MLIP: variants seen among roughly 807,000 people sequenced by gnomAD.
The protein encoded by MLIP is muscular LMNA interacting protein, also known as muscular LMNA-interacting protein.
Under a neutral mutation model 84.8 loss-of-function variants are expected in MLIP, and 79 were observed. The ratio of observed to expected loss-of-function variants is 0.93; its 90% CI spans 0.78 to 1.12. MLIP has a LOEUF of 1.12. Among genes scored for constraint, MLIP ranks in the 50% most tolerant of loss-of-function variants. The probability of loss-of-function intolerance (pLI) is 0.00; values close to 1 mark genes in which losing one functional copy is unlikely to be tolerated. For synonymous variants in MLIP, 504 were observed against 463.0 expected (o/e 1.09, Z -1.14); for missense variants, 1,257 against 1,160.6 (o/e 1.08, Z -1.21).
chr6:54,183,726 A>C (rs567147425), intron 9 of MLIP, among the ~76,000 whole-genome samples: 1 of 147,654 alleles, frequency 6.8e-6, no homozygotes, highest in African/African-American at 2.5e-5. Flanking sequence ...CTTTAGTGAG[A>C]TATTTAGACA....
chr6:54,115,268 C>T (rs902813141), intron 1 of MLIP, among the ~76,000 whole-genome samples: 4 of 152,080 alleles, frequency 2.6e-5, no homozygotes, highest in African/African-American at 9.7e-5. Flanking sequence ...CTGTAATGTA[C>T]TCAAACAGGA....
At chr6:54,112,230 C>A (rs1769526240) in intron 1 of MLIP, among the ~76,000 whole-genome samples, 2 of 152,158 alleles carry the variant, frequency 1.3e-5, no homozygotes, top group Non-Finnish European at 2.9e-5. Flanking sequence ...GCAATTCATT[C>A]TTAGGCTACA....
At chr6:54,185,387 C>G (rs570555810) in intron 9 of MLIP, among the ~76,000 whole-genome samples, 7 of 152,262 alleles carry the variant, frequency 4.6e-5, no homozygotes, top group African/African-American at 1.7e-4. Context: ...ATACGGAGTT[C>G]ATAATACTGG....
intron 13 of MLIP, among the ~76,000 whole-genome samples, chr6:54,258,315 T>C (rs995053219): frequency 2.0e-5 from 3 of 152,098 alleles, no homozygotes; most frequent in Non-Finnish European, 2.9e-5. Flanking sequence ...GGGCATACTA[T>C]CTACATTTCC....
intron 1 of MLIP, among the ~76,000 whole-genome samples, chr6:54,120,303 C>T (rs538073132): frequency 2.8e-4 from 43 of 151,998 alleles, no homozygotes; most frequent in African/African-American, 8.9e-4. Flanking sequence ...GGCACGATCT[C>T]GGCTCACTGC....
intron 1 of MLIP, among the ~76,000 whole-genome samples, chr6:54,020,465 G>T (rs755900919): frequency 3.3e-5 from 5 of 152,192 alleles, no homozygotes; most frequent in Non-Finnish European, 5.9e-5. Flanking sequence ...TATGAAACCA[G>T]ATAGGGAGTA....
intron 10 of MLIP, among the ~76,000 whole-genome samples, chr6:54,191,063 G>C (rs1481720740): frequency 6.6e-6 from 1 of 151,934 alleles, no homozygotes; most frequent in Admixed American, 6.6e-5. Flanking sequence ...CCAAAGTGCT[G>C]GGATTACAGG....
chr6:54,073,453 G>A lies in MLIP; in HGVS notation c.64-47994G>A, dbSNP rs1457393882. ...GCAAATGAACTTTTAGTTTCTGCAA[G>A]TAGAGAATTGCTGTAATTTACTTTT... On this transcript the variant is annotated intron_variant, in intron 1 of 12. Transcript: ENST00000274897. Among the ~76,000 whole-genome samples the A allele has an allele frequency of 2.6e-5, 4 of 152,308 alleles. No individual in the cohort carries two copies. In the East Asian group the frequency reaches 7.7e-4, roughly 29 times the overall value.
At chr6:54,076,591 G>A (rs1166721143) in intron 1 of MLIP, among the ~76,000 whole-genome samples, 1 of 152,232 alleles carries the variant, frequency 6.6e-6, no homozygotes, top group Non-Finnish European at 1.5e-5. Flanking sequence ...TGTAGCCACT[G>A]TTTGCAGGAT....
chr6:54,076,167 T>C (rs930459701), intron 1 of MLIP, among the ~76,000 whole-genome samples: 13 of 152,184 alleles, frequency 8.5e-5, no homozygotes, highest in Non-Finnish European at 1.8e-4. Flanking sequence ...TCTCTGCAAC[T>C]TCCAATCCTC....
chr6:54,109,903 C>CTT (rs2150403925), upstream of MLIP, among the ~76,000 whole-genome samples: 1 of 138,980 alleles, frequency 7.2e-6, no homozygotes, highest in African/African-American at 2.6e-5. Context: ...TCTTTTCTTT[C>CTT]TTTCTTTTTC....
chr6:54,136,748 G>T lies in MLIP; in HGVS notation c.679G>T (p.Ala227Ser). The change falls in exon 4 of 14, where the codon GCC becomes TCC. Residue 227 changes from alanine (A) to serine (S), a missense_variant. Ala to Ser is a moderately conservative substitution (Grantham distance 99). Coordinates refer to ENST00000502396, the MANE Select transcript of MLIP (RefSeq NM_001281747.2). Reference sequence around the variant, plus strand: ...TTCTCCCACTACCTCTGAGCAGCTTGCCTGTAAACCACCTGCTTTCTCCTT... The same window carrying T: ...TTCTCCCACTACCTCTGAGCAGCTTTCCTGTAAACCACCTGCTTTCTCCTT... ...TSSPTTSEQLACKPPAFSFVS... is the reference protein window; with the variant it reads ...TSSPTTSEQLSCKPPAFSFVS... 6.6e-7 allele frequency: 1 copy of T among 1,510,512 alleles called. No individual in the cohort carries two copies. Among genetic ancestry groups the T allele is most frequent in the Non-Finnish European group, 8.9e-7 (1 of 1,127,898 alleles). The allele number at this position is 1,510,512 out of a possible 1,614,324, so 93.6% of individuals were successfully genotyped here.
intron 1 of MLIP, among the ~76,000 whole-genome samples, chr6:54,035,892 C>T (rs989350026): frequency 3.3e-5 from 5 of 151,828 alleles, no homozygotes; most frequent in South Asian, 2.1e-4. Flanking sequence ...ATATGTGGTT[C>T]GCAAATATTT....
At chr6:54,188,161 C>T (rs549480679) in intron 9 of MLIP, among the ~76,000 whole-genome samples, 1 of 152,250 alleles carries the variant, frequency 6.6e-6, no homozygotes, top group Non-Finnish European at 1.5e-5. Flanking sequence ...GCCTGCAGGA[C>T]TGGAGGTTTC....
intron 5 of MLIP, among the ~76,000 whole-genome samples, chr6:54,155,212 C>T (rs540839461): frequency 1.3e-5 from 2 of 151,928 alleles, no homozygotes; most frequent in African/African-American, 4.8e-5. Flanking sequence ...ACTTTTTTTC[C>T]TTTTCTTCAG....
intron 11 of MLIP, among the ~76,000 whole-genome samples, chr6:54,208,360 A>T (rs1462606375): frequency 1.3e-5 from 2 of 152,128 alleles, no homozygotes; most frequent in African/African-American, 4.8e-5. Context: ...CTGAGGTAGA[A>T]GGATTGCTTG....
upstream of MLIP, among the ~76,000 whole-genome samples, chr6:54,109,991 CT>C (rs11444915): frequency 4.5e-3 from 309 of 69,310 alleles, 2 homozygotes; most frequent in African/African-American, 0.013. Flanking sequence ...TTTTCTTTTT[CT>C]TTTTTTTTTT....
chr6:54,230,703 T>C lies in MLIP; in HGVS notation c.2719-11T>C. On this transcript the variant is annotated splice_polypyrimidine_tract_variant and intron_variant, in intron 11 of 13. Coordinates refer to ENST00000502396, the MANE Select transcript of MLIP (RefSeq NM_001281747.2). ...CTAACATCCTCTTATGCCTTTCTTC[T>C]TCCCCACCAGGATGTAACAGTCCCT... 1 of 1,613,334 alleles carries C rather than the reference T, an allele frequency of 6.2e-7. No individual in the cohort carries two copies. Among genetic ancestry groups the C allele is most frequent in the East Asian group, 2.2e-5 (1 of 44,876 alleles).
chr6:54,178,096 G>A (rs916899832), intron 9 of MLIP, among the ~76,000 whole-genome samples: 8 of 152,110 alleles, frequency 5.3e-5, no homozygotes, highest in Non-Finnish European at 1.0e-4. Flanking sequence ...GCTAATGCAT[G>A]TGGGGCTTAA....
Sources: gnomAD v4.1 joint callset for allele counts (sites outside exome capture counted in the v4.1 genomes callset) on GRCh38, gnomAD v4.1.1 for gene constraint, MANE v1.5 for transcripts, NCBI Gene and HGNC (gene_info 2026-07-23, HGNC 2026-07-21) for gene names.